Variants in TCF4 observed in about 807,000 individuals in gnomAD.
The protein encoded by TCF4 is transcription factor 4, also known as SL3-3 enhancer factor 2.
A neutral mutation model predicts 82.1 loss-of-function variants in TCF4; 3 were observed. That is an observed-to-expected ratio of 0.04 (90% CI 0.02 to 0.09). The LOEUF (loss-of-function observed/expected upper bound fraction) is 0.09, where lower values mean the gene tolerates loss of function less well. Ranked by LOEUF, TCF4 falls within the 10% of genes least tolerant of loss-of-function variation. The pLI, the probability that TCF4 is intolerant of heterozygous loss-of-function variation, is 1.00. For missense variants in TCF4, 518 were observed against 852.7 expected, an observed-to-expected ratio of 0.61 and a Z score of 4.89; for synonymous variants, 276 against 309.6, an observed-to-expected ratio of 0.89 and a Z score of 1.14.
intron 2 of TCF4, among the ~76,000 whole-genome samples, chr18:55,620,051 G>A (rs956072851): frequency 2.0e-5 from 3 of 152,128 alleles, no homozygotes; most frequent in Non-Finnish European, 4.4e-5. Context: ...GTTCTCATGA[G>A]ATCTAATCAT....
Position 55,305,999 on chromosome 18 carries a change from G to A in TCF4, c.550-26343C>T, listed in dbSNP as rs569718558. On this transcript the variant is annotated intron_variant, in intron 8 of 19. Transcript: ENST00000354452. ...CACCTTCATTTACCGTGCCCCTTCC[G>A]ACTCTACTCCCAACAACCAGGTTGG... 1.6e-4 allele frequency among the ~76,000 whole-genome samples: 24 copies of A among 152,194 alleles called. 1 individual carries two copies. The South Asian group carries it at 4.1e-3, about 26-fold the overall frequency.
intron 8 of TCF4, among the ~76,000 whole-genome samples, chr18:55,346,805 T>C (rs1474225547): frequency 2.0e-5 from 3 of 152,182 alleles, no homozygotes; most frequent in African/African-American, 7.2e-5. Context: ...CAAAAGATAA[T>C]GCCTTTGCTT....
intron 5 of TCF4, among the ~76,000 whole-genome samples, chr18:55,433,747 T>A (rs893962391): frequency 3.9e-5 from 6 of 152,220 alleles, no homozygotes; most frequent in African/African-American, 1.4e-4. Flanking sequence ...GGAAACTATA[T>A]CACATTAGTG....
chr18:55,631,660 T>C lies in TCF4; in HGVS notation c.196-272A>G, dbSNP rs543693599. 2.0e-5 allele frequency among the ~76,000 whole-genome samples: 3 copies of C among 152,310 alleles called. No homozygotes were observed. In the East Asian group the frequency reaches 5.8e-4, roughly 29 times the overall value. ...TTGACGCATGTCAAAAACAAAGCCA[T>C]TGTTGCAAGTTGAAGATTCAGTCTA... On this transcript the variant is annotated intron_variant, in intron 1 of 20. Coordinates refer to the TCF4 transcript ENST00000398339.
intron 3 of TCF4, among the ~76,000 whole-genome samples, chr18:55,464,595 C>T (rs1019307652): frequency 2.0e-5 from 3 of 152,180 alleles, no homozygotes; most frequent in Non-Finnish European, 4.4e-5. Context: ...TCACAGAAGA[C>T]ACCAGACATG....
At chr18:55,287,948 A>G (rs560022731) in intron 8 of TCF4, among the ~76,000 whole-genome samples, 1 of 152,354 alleles carries the variant, frequency 6.6e-6, no homozygotes, top group East Asian at 1.9e-4. Context: ...CAAGGGGGAA[A>G]AAAAACCCTG....
chr18:55,328,972 A>G (rs1333058457), intron 8 of TCF4, among the ~76,000 whole-genome samples: 2 of 152,210 alleles, frequency 1.3e-5, no homozygotes, highest in African/African-American at 2.4e-5. Flanking sequence ...GTTCTTTCAC[A>G]TCATGGAGCA....
At chr18:55,618,032 A>C (rs1301800091) in intron 2 of TCF4, among the ~76,000 whole-genome samples, 1 of 152,138 alleles carries the variant, frequency 6.6e-6, no homozygotes, top group Non-Finnish European at 1.5e-5. Flanking sequence ...TCCTAATCTT[A>C]GAGGAAAAGT....
chr18:55,559,634 T>C (rs2097337667), intron 3 of TCF4, among the ~76,000 whole-genome samples: 1 of 22,692 alleles, frequency 4.4e-5, no homozygotes, highest in South Asian at 3.5e-3. Context: ...ATAGGGTTTT[T>C]TCTTTAAAAA....
At chr18:55,487,985 T>C (rs940289764) in intron 3 of TCF4, among the ~76,000 whole-genome samples, 17 of 152,280 alleles carry the variant, frequency 1.1e-4, no homozygotes, top group African/African-American at 3.8e-4. Flanking sequence ...CTTGTTCAAA[T>C]CAAATGGACA....
At chr18:55,307,762 G>A (rs2070856085) in intron 8 of TCF4, among the ~76,000 whole-genome samples, 3 of 152,326 alleles carry the variant, frequency 2.0e-5, no homozygotes, top group Admixed American at 2.0e-4. Flanking sequence ...CAAACAAAAT[G>A]ATGGCTTACA....
At position 55,507,700 on chromosome 18, in the gene TCF4, G is replaced by A. The variant is rs141467887; in HGVS notation, c.146-43563C>T. ...GCACCTGAACAGCAACAGCTAAGGG[G>A]ACACACACAGAGGGAACCACTGAAT... On this transcript the variant is annotated intron_variant, in intron 3 of 19. Transcript: ENST00000354452. 4.6e-3 allele frequency among the ~76,000 whole-genome samples: 702 copies of A among 152,280 alleles called. 1 individual carries two copies. Among genetic ancestry groups the A allele is most frequent in the African/African-American group, 0.016 (665 of 41,540 alleles).
chr18:55,447,759 T>C (rs1391380803), intron 5 of TCF4, among the ~76,000 whole-genome samples: 4 of 152,298 alleles, frequency 2.6e-5, no homozygotes, highest in African/African-American at 9.6e-5. Flanking sequence ...TTCACAAATA[T>C]ATCATTTGCC....
rs772957987 is a variant in TCF4, at chr18:55,222,555, C to T, written c.*5480G>A. The T allele has an allele frequency of 3.9e-5, 6 of 152,194 alleles. No individual in the cohort carries two copies. Among genetic ancestry groups the T allele is most frequent in the Admixed American group, 1.3e-4 (2 of 15,246 alleles). The allele number at this position is 152,194 out of a possible 1,614,324, so 9.4% of individuals were successfully genotyped here. A position where few individuals can be genotyped will look rare whatever the true frequency, so the allele number is the denominator to read the frequency against. On this transcript the variant is annotated 3_prime_UTR_variant, in exon 20 of 20. Coordinates refer to ENST00000354452, the MANE Select transcript of TCF4 (RefSeq NM_001083962.2). ...GAACCAAATGGCGTTATAACATTTT[C>T]CTTCAACTAGTCACTAAACCCAATT...
chr18:55,602,425 G>T (rs1321271980), intron 2 of TCF4, among the ~76,000 whole-genome samples: 1 of 152,070 alleles, frequency 6.6e-6, no homozygotes, highest in Non-Finnish European at 1.5e-5. Context: ...GTTGGCATCC[G>T]CCACTGACTA....
rs1045085921 is a variant in TCF4, at chr18:55,294,552, C to T, written c.550-14896G>A. 2.6e-5 allele frequency among the ~76,000 whole-genome samples: 4 copies of T among 152,220 alleles called. No homozygotes were observed. The East Asian group carries it at 5.8e-4, about 22-fold the overall frequency. ...TTTTCAGAAAAACTGTCCTTTGAAT[C>T]GTAAGTGGCTTCCATAGGTGTTGTG... is the stretch of plus-strand genomic sequence containing the variant. On this transcript the variant is annotated intron_variant, in intron 8 of 19. Transcript: ENST00000354452.
At chr18:55,379,918 G>T (rs557005058) in intron 6 of TCF4, among the ~76,000 whole-genome samples, 1 of 152,252 alleles carries the variant, frequency 6.6e-6, no homozygotes, top group South Asian at 2.1e-4. Flanking sequence ...CTATTGCCCA[G>T]GCTGGAGTGC....
chr18:55,580,353 AT>A (rs1232885638), intron 3 of TCF4, among the ~76,000 whole-genome samples: 1 of 151,920 alleles, frequency 6.6e-6, no homozygotes, highest in African/African-American at 2.4e-5. Context: ...GGAGATCCTT[AT>A]TTTTTTACAT....
chr18:55,249,745 T>C (rs576784307), intron 15 of TCF4, among the ~76,000 whole-genome samples: 4 of 152,282 alleles, frequency 2.6e-5, no homozygotes, highest in South Asian at 2.1e-4. Context: ...TAATGCGATA[T>C]ATGAATAGTA....
Sources: allele counts gnomAD v4.1 joint callset (sites outside exome capture counted in the v4.1 genomes callset), GRCh38; gene constraint gnomAD v4.1.1; transcripts MANE v1.5; gene names NCBI Gene and HGNC (gene_info 2026-07-23, HGNC 2026-07-21).